Variants in TDRD5 observed in about 807,000 individuals in gnomAD.
The protein encoded by TDRD5 is tudor domain-containing protein 5.
Under a neutral mutation model 120.6 loss-of-function variants are expected in TDRD5, and 41 were observed. The ratio of observed to expected loss-of-function variants is 0.34; its 90% CI spans 0.26 to 0.44. The LOEUF (loss-of-function observed/expected upper bound fraction) is 0.44. Ranked by LOEUF, TDRD5 falls within the 20% of genes least tolerant of loss-of-function variation. The pLI is 1.00. For synonymous variants in TDRD5, 430 were observed against 433.7 expected, an observed-to-expected ratio of 0.99 and a Z score of 0.11; for missense variants, 1,006 against 1,221.2, an observed-to-expected ratio of 0.82 and a Z score of 2.63.
chr1:179,598,623 A>T (rs2101912746), intron 4 of TDRD5, among the ~76,000 whole-genome samples: 1 of 151,686 alleles, frequency 6.6e-6, no homozygotes, highest in South Asian at 2.1e-4. Flanking sequence ...TTTTTTAGCT[A>T]TTATAAATGG....
At chr1:179,677,465 T>G (rs568003632) in intron 17 of TDRD5, among the ~76,000 whole-genome samples, 40 of 152,306 alleles carry the variant, frequency 2.6e-4, no homozygotes, top group Admixed American at 1.3e-3. Flanking sequence ...TCTGGTTCCT[T>G]CTTATTTGAG....
chr1:179,627,017 TTTAAAG>T (rs1677166002), intron 6 of TDRD5, among the ~76,000 whole-genome samples: 1 of 152,144 alleles, frequency 6.6e-6, no homozygotes, highest in Admixed American at 6.5e-5. Flanking sequence ...TTTCTGGGCA[TTTAAAG>T]AAAAACAGCA....
chr1:179,656,015 A>G (rs1678988607), intron 14 of TDRD5, among the ~76,000 whole-genome samples: 1 of 152,192 alleles, frequency 6.6e-6, no homozygotes, highest in Non-Finnish European at 1.5e-5. Flanking sequence ...AGTGTATGTC[A>G]AACTTTTTTC....
intron 4 of TDRD5, among the ~76,000 whole-genome samples, chr1:179,605,868 C>T (rs573816388): frequency 9.2e-5 from 14 of 152,218 alleles, no homozygotes; most frequent in Admixed American, 2.6e-4. Context: ...TACTGAAGGA[C>T]GTCTTGCTTG....
chr1:179,650,823 G>T (rs754231959), intron 11 of TDRD5, 44 bp from the exon 12 acceptor site: 20 of 1,589,102 alleles, frequency 1.3e-5, no homozygotes, highest in Admixed American at 5.0e-5. Context: ...TATAATTCAT[G>T]TTTAGATCTA....
At chr1:179,648,770 T>G (rs991378844) in intron 11 of TDRD5, among the ~76,000 whole-genome samples, 1 of 138,860 alleles carries the variant, frequency 7.2e-6, no homozygotes, top group Non-Finnish European at 1.6e-5. Context: ...TAAAAGAGTA[T>G]TAAATACTAA....
upstream of TDRD5, chr1:179,591,784 A>G (rs1392323186): frequency 6.6e-6 from 1 of 152,394 alleles, no homozygotes; most frequent in African/African-American, 2.4e-5. Context: ...TCGGGGCTGG[A>G]ACGCGGCGCC....
intron 17 of TDRD5, among the ~76,000 whole-genome samples, chr1:179,689,318 C>T (rs968394603): frequency 6.6e-6 from 1 of 152,228 alleles, no homozygotes; most frequent in Non-Finnish European, 1.5e-5. Context: ...TGGAGGTCCA[C>T]TCCACACCCT....
intron 4 of TDRD5, among the ~76,000 whole-genome samples, chr1:179,614,874 C>G (rs1321292283): frequency 6.6e-6 from 1 of 152,056 alleles, no homozygotes. Flanking sequence ...ACCTCACATA[C>G]TTGTCATTTT....
At chr1:179,684,944 GC>G (rs1173279910) in intron 17 of TDRD5, among the ~76,000 whole-genome samples, 1 of 152,122 alleles carries the variant, frequency 6.6e-6, no homozygotes, top group African/African-American at 2.4e-5. Flanking sequence ...CTGGATATTA[GC>G]CCTTTGTCAG....
chr1:179,651,320 C>T (rs1678701587), intron 12 of TDRD5, among the ~76,000 whole-genome samples: 1 of 152,056 alleles, frequency 6.6e-6, no homozygotes. Flanking sequence ...GTTATCTGGC[C>T]AGGCACGGTG....
At chr1:179,620,459 CT>C (rs1676784414) in intron 5 of TDRD5, among the ~76,000 whole-genome samples, 1 of 151,818 alleles carries the variant, frequency 6.6e-6, no homozygotes, top group Non-Finnish European at 1.5e-5. Flanking sequence ...ATTTAGGTGT[CT>C]TTAATATTTT....
At position 179,690,715 on chromosome 1, in the gene TDRD5, C is replaced by G. The variant is rs144392545; in HGVS notation, c.2880C>G (p.Ile960Met). ...PSGSVESSPE[I>M]LKNEDFSSSR... ...TTCCAGTGGAAAGCTCACCAGAGAT[C>G]CTAAAGAATGAAGATTTTTCTAGCA... The change falls in exon 18 of 18, where the codon ATC (isoleucine) becomes ATG (methionine). Residue 960 changes from isoleucine (I) to methionine (M), a missense_variant. This residue lies in a region of TDRD5 where 403 missense variants were observed against 448.1 expected (regional missense o/e 0.90). Coordinates refer to ENST00000444136, the MANE Select transcript of TDRD5 (RefSeq NM_001199085.3). The G allele has an allele frequency of 3.4e-5, 55 of 1,613,822 alleles. No homozygotes were observed. Among genetic ancestry groups the G allele is most frequent in the Non-Finnish European group, 3.9e-5 (46 of 1,179,868 alleles).
In TDRD5 at chr1:179,668,727, A is replaced by G. The variant is rs1679684421; in HGVS notation, c.2650-467A>G. 1.4e-5 allele frequency among the ~76,000 whole-genome samples: 2 copies of G among 146,562 alleles called. 1 individual carries two copies. The highest frequency in any genetic ancestry group is 4.3e-4 in the South Asian group (2 of 4,682). On this transcript the variant is annotated intron_variant, in intron 16 of 17. Coordinates refer to ENST00000444136, the MANE Select transcript of TDRD5 (RefSeq NM_001199085.3). ...ATAGAGAAGGACTTGCTTTTTCTAGAGAGTATCTAGGTTCTTTTTTTTTTT... is the reference window on the plus strand; with the variant it reads ...ATAGAGAAGGACTTGCTTTTTCTAGGGAGTATCTAGGTTCTTTTTTTTTTT...
intron 6 of TDRD5, among the ~76,000 whole-genome samples, chr1:179,629,532 GT>G (rs1193345538): frequency 6.6e-6 from 1 of 152,128 alleles, no homozygotes; most frequent in Non-Finnish European, 1.5e-5. Context: ...AGCAGGTTTT[GT>G]TTTTTAGGCT....
chr1:179,597,298 AATTT>A, intron 4 of TDRD5, among the ~76,000 whole-genome samples: 1 of 149,886 alleles, frequency 6.7e-6, no homozygotes, highest in African/African-American at 2.4e-5. Context: ...GATACAGTCT[AATTT>A]ATTCATATTT....
At chr1:179,654,523 G>A (rs1341035455) in intron 14 of TDRD5, among the ~76,000 whole-genome samples, 161 bp downstream of exon 14, 1 of 152,150 alleles carries the variant, frequency 6.6e-6, no homozygotes, top group Non-Finnish European at 1.5e-5. Flanking sequence ...CCAGCACTTT[G>A]GGAGGCTGAG....
At chr1:179,642,454 T>C (rs1678103386) in intron 11 of TDRD5, among the ~76,000 whole-genome samples, 1 of 152,230 alleles carries the variant, frequency 6.6e-6, no homozygotes, top group Non-Finnish European at 1.5e-5. Context: ...CACATTCTAA[T>C]AACTGGAATA....
chr1:179,680,062 C>A (rs945680922), intron 17 of TDRD5, among the ~76,000 whole-genome samples: 4 of 151,988 alleles, frequency 2.6e-5, no homozygotes, highest in Admixed American at 6.5e-5. Context: ...GAATTTTCTT[C>A]TTGACCTATT....
Sources: gnomAD v4.1 joint callset for allele counts (sites outside exome capture counted in the v4.1 genomes callset) on GRCh38, gnomAD v4.1.1 for gene constraint, gnomAD v4.1.1 regional missense constraint, MANE v1.5 for transcripts, NCBI Gene and HGNC (gene_info 2026-07-23, HGNC 2026-07-21) for gene names.